The following SPTBN5 variants were observed in gnomAD, a reference collection of about 807,000 sequenced individuals.
SPTBN5 encodes the protein spectrin beta, non-erythrocytic 5.
SPTBN5 carries 513 observed loss-of-function variants against 477.6 expected under a neutral mutation model. That is an observed-to-expected ratio of 1.07 (90% CI 1.00 to 1.16). SPTBN5 has a LOEUF of 1.16. Among genes scored for constraint, SPTBN5 ranks in the 50% most tolerant of loss-of-function variants. SPTBN5 has a pLI of 0.00. For synonymous variants in SPTBN5, 2,169 were observed against 2,011.7 expected, an observed-to-expected ratio of 1.08 and a Z score of -2.09; for missense variants, 5,062 against 4,731.8, an observed-to-expected ratio of 1.07 and a Z score of -2.05.
chr15:41,852,152 G>A (rs1403765490), intron 62 of SPTBN5, 30 bp downstream of exon 62: 3 of 1,550,250 alleles, frequency 1.9e-6, no homozygotes, highest in Non-Finnish European at 2.6e-6. Context: ...ACCACGGCGG[G>A]GGTGCCTGCA....
chr15:41,855,584 T>C lies in SPTBN5; in HGVS notation c.9183A>G (p.Thr3061=). The part of the protein sequence containing the change: ...FSPRIERLQQ[T]AALLESRKNP... ...TCTTCCTGCTCTCCAGGAGTGCTGC[T>C]GTCTGCTGCAGCCGCTCGATGCGTG... is the stretch of plus-strand genomic sequence containing the variant. The change falls in exon 54 of 68, where the codon ACA becomes ACG. Residue 3061 remains threonine, a synonymous_variant. Coordinates refer to ENST00000320955, the MANE Select transcript of SPTBN5 (RefSeq NM_016642.4). 6.2e-7 allele frequency: 1 copy of C among 1,612,200 alleles called. No individual in the cohort carries two copies. The highest frequency in any genetic ancestry group is 8.5e-7 in the Non-Finnish European group (1 of 1,179,782).
At chr15:41,861,669 C>T in intron 45 of SPTBN5, 66 bp downstream of exon 45, 1 of 1,507,602 alleles carries the variant, frequency 6.6e-7, no homozygotes, top group Non-Finnish European at 8.9e-7. Context: ...TGACCAGAGG[C>T]TGTGGGGTCA....
Position 41,855,533 on chromosome 15 carries a change from TG to T in SPTBN5, c.9218+15del, listed in dbSNP as rs1269275173. On this transcript the variant is annotated intron_variant, in intron 54 of 67. Coordinates refer to ENST00000320955, the MANE Select transcript of SPTBN5 (RefSeq NM_016642.4). The stretch of plus-strand genomic sequence containing the variant: ...CTTCTCTCTGCTCCTTCGCGGATGG[TG>T]TGGCTTCCGCCCACCTTTCTGGGTT... 6.2e-7 allele frequency: 1 copy of T among 1,605,854 alleles called. No individual in the cohort carries two copies. The highest frequency in any genetic ancestry group is 1.3e-5 in the African/African-American group (1 of 74,774).
intron 56 of SPTBN5, among the ~76,000 whole-genome samples, chr15:41,854,449 A>G (rs963750201): frequency 2.0e-5 from 3 of 151,752 alleles, no homozygotes; most frequent in African/African-American, 7.3e-5. Flanking sequence ...TCTCAGGGAA[A>G]GGCAGACGCG....
chr15:41,857,533 T>C (rs2065962573), intron 50 of SPTBN5, 39 bp from the exon 51 acceptor site: 1 of 1,603,858 alleles, frequency 6.2e-7, no homozygotes. Context: ...GGGAGTGTCC[T>C]GGAGCCCGGC....
chr15:41,880,115 G>T (rs751073580), intron 14 of SPTBN5, 45 bp downstream of exon 14: 1 of 1,537,736 alleles, frequency 6.5e-7, no homozygotes, highest in Non-Finnish European at 8.7e-7. Flanking sequence ...CCACAGGGAG[G>T]CAGGGGCAAG....
At chr15:41,848,689 AACAC>A (rs1160551866) in intron 67 of SPTBN5, 61 bp from the exon 68 acceptor site, 2 of 1,594,186 alleles carry the variant, frequency 1.3e-6, no homozygotes, top group African/African-American at 2.7e-5. Context: ...TCTCCAAACA[AACAC>A]ACACTGGTGC....
At chr15:41,854,029 G>A (rs1377071014) in intron 57 of SPTBN5, 21 bp downstream of exon 57, 2 of 1,543,290 alleles carry the variant, frequency 1.3e-6, no homozygotes, top group Non-Finnish European at 1.7e-6. Flanking sequence ...AGACAGGCAG[G>A]CTGCAGGGCG....
rs763922949 is a variant in SPTBN5 at position 41,862,931 on chromosome 15, G to C, written c.7150-28C>G. On this transcript the variant is annotated intron_variant, in intron 41 of 67. Transcript: ENST00000320955. ...GGAGGAGGGGCACGGCCAGTTACCT[G>C]CTGGGCCTTTGCTTCGGCTCCTCCT... The C allele has an allele frequency of 1.6e-5, 25 of 1,548,176 alleles. No homozygotes were observed. The South Asian group carries it at 2.9e-4, about 18-fold the overall frequency.
intron 11 of SPTBN5, 57 bp downstream of exon 11, chr15:41,882,212 C>T (rs1290895496): frequency 7.0e-7 from 1 of 1,438,292 alleles, no homozygotes; most frequent in Non-Finnish European, 9.1e-7. Flanking sequence ...GTGCTGGCAC[C>T]CCCACCCCCG....
Position 41,867,048 on chromosome 15 carries a change from G to C in SPTBN5, c.6391C>G (p.Arg2131Gly). The C allele has an allele frequency of 9.0e-6, 14 of 1,552,404 alleles. No homozygotes were observed. The highest frequency in any genetic ancestry group is 1.2e-5 in the Non-Finnish European group (14 of 1,148,808). Residue 2131 changes from arginine (R) to glycine (G), a missense_variant, in exon 36 of 68, where the codon CGG becomes GGG. Arg to Gly is a moderately radical substitution (Grantham distance 125). Coordinates refer to ENST00000320955, the MANE Select transcript of SPTBN5 (RefSeq NM_016642.4). ...TCCGCCAGCTCCTTCACTCTCATCC[G>C]GCGCTGCAGCAGGATGGGAAGCCGG... ...RDRLPILLQRRMRVKELAESR... is the reference protein window; with the variant it reads ...RDRLPILLQRGMRVKELAESR...
intron 4 of SPTBN5, 49 bp downstream of exon 4, chr15:41,890,040 A>AGGGCT (rs1567234681): frequency 1.6e-6 from 2 of 1,275,992 alleles, no homozygotes; most frequent in Non-Finnish European, 2.3e-6. Flanking sequence ...AGGTGAGGCC[A>AGGGCT]GGGCTGGGCT....
chr15:41,855,460 G>A, intron 54 of SPTBN5, 32 bp from the exon 55 acceptor site: 1 of 1,594,702 alleles, frequency 6.3e-7, no homozygotes, highest in Non-Finnish European at 8.6e-7. Context: ...CTGGACTGCA[G>A]CCCTGCCTTT....
intron 67 of SPTBN5, 82 bp downstream of exon 67, chr15:41,849,787 A>G (rs536838510): frequency 1.8e-6 from 2 of 1,092,956 alleles, no homozygotes; most frequent in Non-Finnish European, 2.7e-6. Context: ...GAGGCCCAGA[A>G]CCTCAGGCTT....
Position 41,876,146 on chromosome 15 carries a change from C to T in SPTBN5, c.4090G>A (p.Ala1364Thr), listed in dbSNP as rs370766695. ...AGGGCCTCCACGTGTCTGCGGGTGG[C>T]GAGTAGCTCGCTCTCAGCTGCTTCG... ...RHEAAESELL[A>T]TRRHVEALQQ... The change falls in exon 21 of 68, where the codon GCC (alanine) becomes ACC (threonine). Residue 1364 changes from alanine (A) to threonine (T), a missense_variant. Ala to Thr is a moderately conservative substitution (Grantham distance 58, BLOSUM62 0). Transcript: ENST00000320955. 64 of 1,603,438 alleles carry T rather than the reference C, an allele frequency of 4.0e-5. No homozygotes were observed. The highest frequency in any genetic ancestry group is 4.7e-5 in the Non-Finnish European group (56 of 1,179,252).
Position 41,876,140 on chromosome 15 carries a change from G to T in SPTBN5, c.4096C>A (p.Arg1366Ser). The T allele has an allele frequency of 6.2e-7, 1 of 1,603,114 alleles. No homozygotes were observed. The change falls in exon 21 of 68, where the codon CGC becomes AGC. Residue 1366 changes from arginine (R) to serine (S), a missense_variant. Physicochemically the swap from Arg to Ser is moderately radical, Grantham distance 110. Coordinates refer to ENST00000320955, the MANE Select transcript of SPTBN5 (RefSeq NM_016642.4). ...TGCTGCAGGGCCTCCACGTGTCTGC[G>T]GGTGGCGAGTAGCTCGCTCTCAGCT... ...EAAESELLAT[R>S]RHVEALQQVG...
At chr15:41,887,587 A>G in intron 5 of SPTBN5, 146 bp from the exon 6 acceptor site, 1 of 723,916 alleles carries the variant, frequency 1.4e-6, no homozygotes, top group South Asian at 1.8e-5. Flanking sequence ...GCCCTGTTGA[A>G]GGAGGAGGAC....
At chr15:41,872,130 G>C (rs1032562032) in intron 27 of SPTBN5, among the ~76,000 whole-genome samples, 172 bp downstream of exon 27, 1 of 152,226 alleles carries the variant, frequency 6.6e-6, no homozygotes, top group Admixed American at 6.5e-5. Flanking sequence ...GGGAGTTGTG[G>C]GGCCTCACTG....
At chr15:41,882,792 G>C in intron 9 of SPTBN5, 54 bp from the exon 10 acceptor site, 1 of 1,573,750 alleles carries the variant, frequency 6.4e-7, no homozygotes, top group Non-Finnish European at 8.6e-7. Flanking sequence ...GGCATGGGCA[G>C]TGGGTTCCCC....
Sources: allele counts gnomAD v4.1 joint callset (sites outside exome capture counted in the v4.1 genomes callset), GRCh38; gene constraint gnomAD v4.1.1; transcripts MANE v1.5; gene names NCBI Gene and HGNC (gene_info 2026-07-23, HGNC 2026-07-21).